SLC71A1: variants seen among roughly 807,000 people sequenced by gnomAD.
SLC71A1 encodes solute carrier family 71 member 1.
chr1:100,038,847 C>G, the SLC71A1 span, among the ~76,000 whole-genome samples: 3 of 152,222 alleles, frequency 2.0e-5, no homozygotes, highest in South Asian at 6.2e-4. Context: ...GTCGGTGCTC[C>G]GGCTCTGGGC....
the SLC71A1 span, among the ~76,000 whole-genome samples, chr1:100,047,111 C>T: frequency 5.9e-5 from 9 of 152,186 alleles, no homozygotes; most frequent in South Asian, 1.0e-3. Context: ...ATAAGAGTGG[C>T]GAAAGTGGGC....
At chr1:100,064,491 A>G in the SLC71A1 span, among the ~76,000 whole-genome samples, 1 of 152,184 alleles carries the variant, frequency 6.6e-6, no homozygotes, top group African/African-American at 2.4e-5. Context: ...GAACATTTCC[A>G]TCAGCCCAAA....
At chr1:100,038,162 G>T in the SLC71A1 span, 2 of 1,352,638 alleles carry the variant, frequency 1.5e-6, no homozygotes, top group South Asian at 2.5e-5. Flanking sequence ...GTAGTGGTGG[G>T]ACGGCACTAG....
the SLC71A1 span, chr1:100,058,817 CTA>C: frequency 2.3e-3 from 1,537 of 659,840 alleles, 17 homozygotes; most frequent in East Asian, 0.018. Context: ...ATATATATAA[CTA>C]TGCGAATATA....
the SLC71A1 span, among the ~76,000 whole-genome samples, chr1:100,076,959 C>T: frequency 2.6e-5 from 4 of 152,262 alleles, no homozygotes; most frequent in Middle Eastern, 3.4e-3. Context: ...TTTCAGTTTT[C>T]TAACTCTCAG....
the SLC71A1 span, among the ~76,000 whole-genome samples, chr1:100,039,735 G>T: frequency 6.6e-6 from 1 of 152,158 alleles, no homozygotes; most frequent in Non-Finnish European, 1.5e-5. Context: ...CAAAATAGTG[G>T]CAATGAAAGA....
the SLC71A1 span, chr1:100,067,921 G>A: frequency 2.3e-6 from 3 of 1,291,988 alleles, no homozygotes; most frequent in Non-Finnish European, 3.4e-6. Context: ...GGAGTTATGT[G>A]GTGTTGAGGA....
chr1:100,063,802 G>A, the SLC71A1 span, among the ~76,000 whole-genome samples: 6 of 152,132 alleles, frequency 3.9e-5, no homozygotes. Context: ...CTCCAAAAAA[G>A]GGGGTTGGGG....
the SLC71A1 span, among the ~76,000 whole-genome samples, chr1:100,063,275 C>T: frequency 7.5e-6 from 1 of 133,696 alleles, no homozygotes; most frequent in Admixed American, 7.1e-5. Context: ...AAAAACAAAA[C>T]AAAACAAAAC....
chr1:100,066,382 C>T, the SLC71A1 span, among the ~76,000 whole-genome samples: 1 of 152,206 alleles, frequency 6.6e-6, no homozygotes, highest in African/African-American at 2.4e-5. Context: ...TTTTAGACTC[C>T]TTTCACAGAG....
At chr1:100,081,859 AG>A in the SLC71A1 span, 2 of 660,862 alleles carry the variant, frequency 3.0e-6, no homozygotes, top group Non-Finnish European at 5.1e-6. Flanking sequence ...TCTCCTAAAA[AG>A]GGAATGCCTT....
the SLC71A1 span, among the ~76,000 whole-genome samples, chr1:100,049,613 A>G: frequency 6.6e-6 from 1 of 151,954 alleles, no homozygotes; most frequent in Non-Finnish European, 1.5e-5. Flanking sequence ...CGCCTGTCTA[A>G]CTCTGTTGTG....
At chr1:100,053,135 CTAAT>C in the SLC71A1 span, among the ~76,000 whole-genome samples, 2 of 152,336 alleles carry the variant, frequency 1.3e-5, no homozygotes, top group African/African-American at 2.4e-5. Flanking sequence ...GTATATGTCA[CTAAT>C]TAAGAACAAT....
the SLC71A1 span, chr1:100,038,386 C>A: frequency 7.9e-7 from 1 of 1,271,820 alleles, no homozygotes; most frequent in South Asian, 1.3e-5. Flanking sequence ...GACCCCCACA[C>A]TGCCGTCTCT....
the SLC71A1 span, among the ~76,000 whole-genome samples, chr1:100,044,610 G>A: frequency 6.7e-6 from 1 of 149,682 alleles, no homozygotes; most frequent in Non-Finnish European, 1.5e-5. Context: ...CTGCCTCTCA[G>A]GTTCAAGCCA....
the SLC71A1 span, chr1:100,038,291 A>C: frequency 6.4e-7 from 1 of 1,559,052 alleles, no homozygotes; most frequent in African/African-American, 1.4e-5. Flanking sequence ...CTGGCCAAGA[A>C]GATCATCATT....
the SLC71A1 span, chr1:100,069,631 A>G: frequency 6.2e-7 from 1 of 1,611,618 alleles, no homozygotes; most frequent in Non-Finnish European, 8.5e-7. Flanking sequence ...AATTTTCACC[A>G]GAAAGTGTTG....
At chr1:100,039,282 T>G in the SLC71A1 span, among the ~76,000 whole-genome samples, 1 of 152,250 alleles carries the variant, frequency 6.6e-6, no homozygotes, top group African/African-American at 2.4e-5. Context: ...GTGCAGAAAT[T>G]GTACCATTAA....
the SLC71A1 span, among the ~76,000 whole-genome samples, chr1:100,040,174 G>A: frequency 6.6e-6 from 1 of 152,106 alleles, no homozygotes; most frequent in African/African-American, 2.4e-5. Flanking sequence ...TGTATGTTTG[G>A]ATCCCACAGG....
Sources: allele counts gnomAD v4.1 joint callset (sites outside exome capture counted in the v4.1 genomes callset), GRCh38; gene constraint gnomAD v4.1.1; transcripts MANE v1.5; gene names NCBI Gene and HGNC (gene_info 2026-07-23, HGNC 2026-07-21).